The following EFHC2 variants were observed in gnomAD, a reference collection of about 807,000 sequenced individuals.
EFHC2 encodes EF-hand domain containing 2.
In EFHC2, 18 loss-of-function variants were observed where a neutral mutation model predicts 52.7. The observed-to-expected ratio is 0.34, with a 90% CI of 0.24 to 0.51. EFHC2 has a LOEUF of 0.51. Ranked by LOEUF, EFHC2 falls within the 20% of genes least tolerant of loss-of-function variation. EFHC2 has a pLI of 0.97. For synonymous variants in EFHC2, 203 were observed against 204.1 expected (o/e 0.99, Z 0.04); for missense variants, 513 against 562.5 (o/e 0.91, Z 0.89).
chrX:44,193,878 G>A (rs1215331099), intron 11 of EFHC2, among the ~76,000 whole-genome samples: 1 of 112,163 alleles, frequency 8.9e-6, no homozygotes, highest in African/African-American at 3.2e-5. Context: ...TTTGGGATAG[G>A]TGTTTGGTAG....
intron 4 of EFHC2, among the ~76,000 whole-genome samples, chrX:44,260,625 G>A (rs1398693124): frequency 9.0e-6 from 1 of 111,670 alleles, no homozygotes; most frequent in Non-Finnish European, 1.9e-5. Flanking sequence ...AGAGGACCTG[G>A]AATTTCCTAG....
chrX:44,228,499 T>C (rs923666654), intron 11 of EFHC2, among the ~76,000 whole-genome samples: 1 of 112,193 alleles, frequency 8.9e-6, no homozygotes, highest in Admixed American at 9.4e-5. Flanking sequence ...ACTGTCTCCA[T>C]TTATTTTCCA....
chrX:44,191,417 C>T (rs952208185), intron 11 of EFHC2, among the ~76,000 whole-genome samples: 2 of 110,411 alleles, frequency 1.8e-5, no homozygotes, highest in Non-Finnish European at 3.8e-5. Context: ...TTGTATTTTT[C>T]GTAGAGATGG....
Position 44,244,665 on chromosome X carries a change from G to T in EFHC2, c.1112-2376C>A, listed in dbSNP as rs758692357. ...TACAAAGGAGTCTTAATGCTTCTTC[G>T]TGGTGATTTTCTATTCACCATCTCA... On this transcript the variant is annotated intron_variant, in intron 7 of 14. Transcript: ENST00000420999. Among the ~76,000 whole-genome samples the T allele has an allele frequency of 1.1e-4, 12 of 111,685 alleles. No individual in the cohort carries two copies. In the East Asian group the frequency reaches 3.4e-3, roughly 32 times the overall value.
At position 44,271,007 on chromosome X, in the gene EFHC2, C is replaced by T. The variant is rs150785706; in HGVS notation, c.382+1679G>A. 9.1e-3 allele frequency among the ~76,000 whole-genome samples: 1,014 copies of T among 111,803 alleles called. 16 individuals carry two copies. Among genetic ancestry groups the T allele is most frequent in the African/African-American group, 0.031 (967 of 30,776 alleles). ...TCAGGCAGTATGGTCCTTCTGCCTACTTGTACCCTGTCCCAAGTGTGTGAA... is the reference window on the plus strand; with the variant it reads ...TCAGGCAGTATGGTCCTTCTGCCTATTTGTACCCTGTCCCAAGTGTGTGAA... On this transcript the variant is annotated intron_variant, in intron 3 of 14. Transcript: ENST00000420999.
intron 2 of EFHC2, chrX:44,310,003 G>A (rs1198508073): frequency 3.1e-6 from 3 of 974,655 alleles, no homozygotes; most frequent in Non-Finnish European, 4.4e-6. Context: ...TAGAAACAGC[G>A]GGCTTCTGTA....
intron 11 of EFHC2, among the ~76,000 whole-genome samples, chrX:44,211,630 G>A (rs185069374): frequency 8.1e-5 from 9 of 110,664 alleles, no homozygotes; most frequent in African/African-American, 3.0e-4. Context: ...GGGAGGCCGA[G>A]GCGGGCAGAT....
chrX:44,212,510 G>A (rs1198048853), intron 11 of EFHC2, among the ~76,000 whole-genome samples: 3 of 110,038 alleles, frequency 2.7e-5, no homozygotes, highest in African/African-American at 1.0e-4. Flanking sequence ...AGGGAAATAC[G>A]TGACTCCAGT....
intron 1 of EFHC2, among the ~76,000 whole-genome samples, chrX:44,320,389 G>C (rs772455250): frequency 8.9e-6 from 1 of 112,099 alleles, no homozygotes; most frequent in Admixed American, 9.5e-5. Flanking sequence ...AAGGCACTGG[G>C]ATTAACTGGC....
At chrX:44,299,467 GATA>G (rs1244766584) in intron 2 of EFHC2, among the ~76,000 whole-genome samples, 1 of 111,682 alleles carries the variant, frequency 9.0e-6, no homozygotes, top group Non-Finnish European at 1.9e-5. Flanking sequence ...CCTTTATATT[GATA>G]ATAACTCCTT....
intron 11 of EFHC2, among the ~76,000 whole-genome samples, chrX:44,193,957 G>A (rs904608978): frequency 9.0e-6 from 1 of 111,301 alleles, no homozygotes; most frequent in Admixed American, 9.6e-5. Flanking sequence ...CACTGACAAA[G>A]GAATTCCAAG....
At chrX:44,197,587 C>T (rs766042264) in intron 11 of EFHC2, among the ~76,000 whole-genome samples, 2 of 112,072 alleles carry the variant, frequency 1.8e-5, no homozygotes, top group South Asian at 7.6e-4. Context: ...ACAGATGAGG[C>T]TGGCACTCCC....
chrX:44,233,722 A>G (rs2037297155), intron 9 of EFHC2, among the ~76,000 whole-genome samples: 1 of 111,563 alleles, frequency 9.0e-6, no homozygotes, highest in Non-Finnish European at 1.9e-5. Context: ...AGATGTGTGG[A>G]GGCCCTGAAA....
chrX:44,196,489 C>A, intron 11 of EFHC2, among the ~76,000 whole-genome samples: 1 of 111,970 alleles, frequency 8.9e-6, no homozygotes, highest in Admixed American at 9.5e-5. Flanking sequence ...TGAAACAAGG[C>A]AAAATAGATA....
intron 2 of EFHC2, among the ~76,000 whole-genome samples, chrX:44,282,441 TA>T (rs765313542): frequency 6.1e-3 from 400 of 65,318 alleles, no homozygotes; most frequent in Middle Eastern, 0.017. Context: ...CCGTCTCTAC[TA>T]AAAAAAAAAA....
chrX:44,149,563 T>C (rs1488151939), intron 14 of EFHC2, among the ~76,000 whole-genome samples: 1 of 111,889 alleles, frequency 8.9e-6, no homozygotes, highest in African/African-American at 3.3e-5. Flanking sequence ...TTGCCCAGGC[T>C]GGAGTACACT....
chrX:44,330,085 CAAAAAAAAA>C (rs34888507), intron 1 of EFHC2, among the ~76,000 whole-genome samples: 2 of 46,413 alleles, frequency 4.3e-5, no homozygotes, highest in Non-Finnish European at 7.2e-5. Flanking sequence ...CCTGTCTCTA[CAAAAAAAAA>C]AAAAAAAAAA....
intron 2 of EFHC2, among the ~76,000 whole-genome samples, chrX:44,293,938 G>A (rs944281257): frequency 3.6e-5 from 4 of 112,245 alleles, no homozygotes; most frequent in Non-Finnish European, 7.5e-5. Context: ...AATACACAAT[G>A]AGTAATGCAC....
At chrX:44,232,831 G>C (rs2037289543) in intron 9 of EFHC2, among the ~76,000 whole-genome samples, 154 bp from the exon 10 acceptor site, 1 of 111,225 alleles carries the variant, frequency 9.0e-6, no homozygotes, top group Non-Finnish European at 1.9e-5. Context: ...GGAAGAATGA[G>C]GCAGTGAGTG....
Sources: gnomAD v4.1 joint callset for allele counts (sites outside exome capture counted in the v4.1 genomes callset) on GRCh38, gnomAD v4.1.1 for gene constraint, MANE v1.5 for transcripts, NCBI Gene and HGNC (gene_info 2026-07-23, HGNC 2026-07-21) for gene names.